The following PLEKHA7 variants were observed in gnomAD, a reference collection of about 807,000 sequenced individuals.
PLEKHA7 encodes pleckstrin homology domain containing A7.
In PLEKHA7, 104 loss-of-function variants were observed where a neutral mutation model predicts 170.0. That is an observed-to-expected ratio of 0.61 (90% CI 0.52 to 0.72). The LOEUF (loss-of-function observed/expected upper bound fraction) is 0.72. Among genes scored for constraint, PLEKHA7 ranks in the 30% least tolerant of loss-of-function variants. PLEKHA7 has a pLI of 0.00. For synonymous variants in PLEKHA7, 648 were observed against 660.8 expected (o/e 0.98, Z 0.30); for missense variants, 1,615 against 1,671.7 (o/e 0.97, Z 0.59).
chr11:16,824,766 C>T (rs10832689), intron 10 of PLEKHA7, among the ~76,000 whole-genome samples: 70,385 of 152,068 alleles, frequency 0.46, 17,946 homozygotes, highest in East Asian at 0.72. Context: ...TTCCCTATTG[C>T]TTTTTCAAAT....
At chr11:16,799,169 A>C (rs1430740793) in intron 17 of PLEKHA7, among the ~76,000 whole-genome samples, 4 of 152,254 alleles carry the variant, frequency 2.6e-5, no homozygotes, top group Non-Finnish European at 4.4e-5. Flanking sequence ...ATTGGGCAGC[A>C]TAAATTTTGG....
intron 3 of PLEKHA7, among the ~76,000 whole-genome samples, chr11:16,897,299 G>A (rs772048215): frequency 1.3e-5 from 2 of 152,164 alleles, no homozygotes; most frequent in Non-Finnish European, 2.9e-5. Context: ...AGGTGGGGGC[G>A]AGAGACGTCA....
At chr11:16,795,055 T>C in intron 17 of PLEKHA7, 37 bp from the exon 18 acceptor site, 1 of 1,414,842 alleles carries the variant, frequency 7.1e-7, no homozygotes, top group Non-Finnish European at 1.0e-6. Flanking sequence ...CCTTCTTAGC[T>C]CCTTACAAGT....
chr11:16,897,870 A>C (rs1857096333), intron 3 of PLEKHA7, among the ~76,000 whole-genome samples: 1 of 150,190 alleles, frequency 6.7e-6, no homozygotes, highest in South Asian at 2.1e-4. Flanking sequence ...CAAGCCTCTC[A>C]GGGGACAAGG....
chr11:16,957,689 ATTTTTTTCTTT>A (rs1392019980), intron 3 of PLEKHA7, among the ~76,000 whole-genome samples: 2 of 118,226 alleles, frequency 1.7e-5, no homozygotes, highest in Non-Finnish European at 3.5e-5. Flanking sequence ...TACCTCAATA[ATTTTTTTCTTT>A]TTTTTTTTTT....
intron 3 of PLEKHA7, among the ~76,000 whole-genome samples, chr11:16,887,208 G>A (rs762879699): frequency 2.0e-5 from 3 of 152,020 alleles, no homozygotes; most frequent in Non-Finnish European, 4.4e-5. Flanking sequence ...AGGCCAAGCA[G>A]AAGAAAGAAT....
At chr11:16,840,827 T>C (rs1851894238) in intron 9 of PLEKHA7, among the ~76,000 whole-genome samples, 2 of 152,096 alleles carry the variant, frequency 1.3e-5, no homozygotes. Context: ...GAAAACCACA[T>C]ATATGTGAAG....
At chr11:16,811,746 T>C (rs1354841499) in intron 13 of PLEKHA7, among the ~76,000 whole-genome samples, 1 of 152,188 alleles carries the variant, frequency 6.6e-6, no homozygotes, top group East Asian at 1.9e-4. Context: ...GCCAGGTCTT[T>C]TTGCTCATAG....
In PLEKHA7 at chr11:16,900,738, T is replaced by C. The variant is rs184996628; in HGVS notation, c.222-29556A>G. Among the ~76,000 whole-genome samples, 274 of 152,324 alleles carry C rather than the reference T, an allele frequency of 1.8e-3. 3 individuals are homozygous for C. Among genetic ancestry groups the C allele is most frequent in the Non-Finnish European group, 2.5e-3 (167 of 68,036 alleles). ...TCAATTCCAACATCAGTTCAGTTCA[T>C]GGACAAACACTCATGAGATCTCTCA... On this transcript the variant is annotated intron_variant, in intron 3 of 26. Transcript: ENST00000531066.
intron 3 of PLEKHA7, among the ~76,000 whole-genome samples, chr11:16,951,190 T>C (rs1392002094): frequency 6.6e-6 from 1 of 152,236 alleles, no homozygotes; most frequent in East Asian, 1.9e-4. Context: ...TTACCCAGTG[T>C]TACACAGCTG....
intron 13 of PLEKHA7, among the ~76,000 whole-genome samples, chr11:16,805,635 C>T (rs1316278462): frequency 6.6e-6 from 1 of 151,604 alleles, no homozygotes; most frequent in Non-Finnish European, 1.5e-5. Context: ...ACTAAAAATA[C>T]AAAAATTAGC....
intron 3 of PLEKHA7, among the ~76,000 whole-genome samples, chr11:16,958,087 G>C (rs917666351): frequency 4.6e-5 from 7 of 152,068 alleles, no homozygotes; most frequent in African/African-American, 1.7e-4. Flanking sequence ...AGGCCAAGGT[G>C]GGAGGACTGC....
At chr11:16,907,082 C>T (rs1347093288) in intron 3 of PLEKHA7, among the ~76,000 whole-genome samples, 12 of 140,824 alleles carry the variant, frequency 8.5e-5, no homozygotes, top group Admixed American at 6.9e-5. Context: ...GGAGCGTCTC[C>T]GCCCGGCAGC....
intron 25 of PLEKHA7, among the ~76,000 whole-genome samples, chr11:16,783,307 C>T (rs968195535): frequency 6.6e-6 from 1 of 152,206 alleles, no homozygotes; most frequent in Non-Finnish European, 1.5e-5. Context: ...AAGGCTGGCA[C>T]CCTTGGCTCT....
chr11:16,850,686 T>G (rs1378338687), intron 8 of PLEKHA7, among the ~76,000 whole-genome samples: 2 of 152,228 alleles, frequency 1.3e-5, no homozygotes, highest in African/African-American at 4.8e-5. Flanking sequence ...TAAAGGGATC[T>G]GCCTGGAAAT....
intron 15 of PLEKHA7, 59 bp from the exon 16 acceptor site, chr11:16,801,876 C>T: frequency 2.5e-6 from 4 of 1,597,652 alleles, no homozygotes; most frequent in Non-Finnish European, 2.6e-6. Flanking sequence ...GAGGCCTCCC[C>T]ATACCACACC....
intron 26 of PLEKHA7, among the ~76,000 whole-genome samples, chr11:16,779,624 C>T (rs901051492): frequency 6.6e-6 from 1 of 152,204 alleles, no homozygotes; most frequent in African/African-American, 2.4e-5. Context: ...CACGGGGCCT[C>T]TACTCCACAC....
At chr11:16,874,195 T>C (rs1855098052) in intron 3 of PLEKHA7, among the ~76,000 whole-genome samples, 1 of 152,100 alleles carries the variant, frequency 6.6e-6, no homozygotes, top group Non-Finnish European at 1.5e-5. Flanking sequence ...ACAAGATAAC[T>C]TTGTTGATAA....
At chr11:16,837,945 C>T (rs1851647735) in intron 9 of PLEKHA7, among the ~76,000 whole-genome samples, 1 of 152,002 alleles carries the variant, frequency 6.6e-6, no homozygotes, top group South Asian at 2.1e-4. Flanking sequence ...GGAAATTGGG[C>T]TTGAGAAACC....
Sources: gnomAD v4.1 joint callset for allele counts (sites outside exome capture counted in the v4.1 genomes callset) on GRCh38, gnomAD v4.1.1 for gene constraint, MANE v1.5 for transcripts, NCBI Gene and HGNC (gene_info 2026-07-23, HGNC 2026-07-21) for gene names.